GABRB1: variants seen among roughly 807,000 people sequenced by gnomAD.
The protein encoded by GABRB1 is gamma-aminobutyric acid type A receptor subunit beta1, also known as gamma-aminobutyric acid receptor subunit beta-1.
Under a neutral mutation model 51.6 loss-of-function variants are expected in GABRB1, and 17 were observed. The ratio of observed to expected loss-of-function variants is 0.33; its 90% CI spans 0.23 to 0.49. The LOEUF (loss-of-function observed/expected upper bound fraction) is 0.49, where lower values mean the gene tolerates loss of function less well. Among genes scored for constraint, GABRB1 ranks in the 20% least tolerant of loss-of-function variants. The pLI is 0.99. For synonymous variants in GABRB1, 247 were observed against 218.9 expected, an observed-to-expected ratio of 1.13 and a Z score of -1.14; for missense variants, 410 against 600.6, an observed-to-expected ratio of 0.68 and a Z score of 3.32.
At chr4:47,349,353 T>C (rs1726223610) in intron 5 of GABRB1, among the ~76,000 whole-genome samples, 1 of 151,856 alleles carries the variant, frequency 6.6e-6, no homozygotes, top group South Asian at 2.1e-4. Flanking sequence ...GCCAGAGAAA[T>C]GGGAGGAAAA....
chr4:47,101,116 G>C (rs1341171477), intron 3 of GABRB1, among the ~76,000 whole-genome samples: 1 of 151,946 alleles, frequency 6.6e-6, no homozygotes, highest in African/African-American at 2.4e-5. Context: ...ATCTTCACCT[G>C]GTAGACTCCC....
intron 3 of GABRB1, among the ~76,000 whole-genome samples, chr4:47,104,186 G>A (rs1560536082): frequency 6.6e-6 from 1 of 151,452 alleles, no homozygotes; most frequent in African/African-American, 2.4e-5. Context: ...AGGATGACAG[G>A]TTTTTTTCTT....
At chr4:47,057,344 G>A (rs978325711) in intron 3 of GABRB1, among the ~76,000 whole-genome samples, 1 of 152,146 alleles carries the variant, frequency 6.6e-6, no homozygotes, top group Non-Finnish European at 1.5e-5. Context: ...TTTATACAAT[G>A]TGATTCATTG....
At chr4:47,150,185 AC>A (rs1717364600) in intron 3 of GABRB1, among the ~76,000 whole-genome samples, 1 of 4,554 alleles carries the variant, frequency 2.2e-4, no homozygotes, top group African/African-American at 9.1e-4. Context: ...CACACACAAC[AC>A]ACACACACAC....
At chr4:47,123,471 A>G (rs1370206641) in intron 3 of GABRB1, among the ~76,000 whole-genome samples, 12 of 105,016 alleles carry the variant, frequency 1.1e-4, no homozygotes, top group Non-Finnish European at 1.8e-4. Flanking sequence ...ATTATATATT[A>G]TAATATATTA....
At position 47,085,731 on chromosome 4, in the gene GABRB1, G is replaced by A. The variant is rs114081655; in HGVS notation, c.240+53247G>A. Among the ~76,000 whole-genome samples the A allele has an allele frequency of 3.4e-3, 519 of 152,242 alleles. 3 individuals carry two copies. The highest frequency in any genetic ancestry group is 0.011 in the African/African-American group (445 of 41,552). ...TCTCTGGATTGACAATGCTTTTGCTGGTCTCATCTGAAGTCACTCATATGG... is the reference window on the plus strand; with the variant it reads ...TCTCTGGATTGACAATGCTTTTGCTAGTCTCATCTGAAGTCACTCATATGG... On this transcript the variant is annotated intron_variant, in intron 3 of 8. Transcript: ENST00000295454.
rs117639258 is a variant in GABRB1 at position 47,200,667 on chromosome 4, C to T, written c.461+39198C>T. On this transcript the variant is annotated intron_variant, in intron 4 of 8. Transcript: ENST00000295454. ...TGAATTTATAACCTCTTTCTAGATA[C>T]TTAAATCCCCAGAGCTTTGCGCACA... 1.1e-3 allele frequency among the ~76,000 whole-genome samples: 175 copies of T among 152,234 alleles called. 3 individuals are homozygous for T. In the East Asian group the frequency reaches 0.027, roughly 24 times the overall value.
At chr4:47,086,369 A>T (rs1191711889) in intron 3 of GABRB1, among the ~76,000 whole-genome samples, 2 of 152,184 alleles carry the variant, frequency 1.3e-5, no homozygotes. Flanking sequence ...TGATTATAAA[A>T]TTCTTAAGAT....
At chr4:47,384,138 C>T (rs1727692237) in intron 5 of GABRB1, among the ~76,000 whole-genome samples, 1 of 151,866 alleles carries the variant, frequency 6.6e-6, no homozygotes, top group African/African-American at 2.4e-5. Flanking sequence ...ATATTCACCA[C>T]GTAAAATTTT....
At chr4:47,225,040 A>C (rs893045933) in intron 4 of GABRB1, among the ~76,000 whole-genome samples, 5 of 152,050 alleles carry the variant, frequency 3.3e-5, no homozygotes, top group Non-Finnish European at 2.9e-5. Context: ...GATTACAGGC[A>C]TGCACCACCA....
At chr4:47,401,633 G>A (rs1728388671) in intron 5 of GABRB1, among the ~76,000 whole-genome samples, 1 of 152,162 alleles carries the variant, frequency 6.6e-6, no homozygotes, top group African/African-American at 2.4e-5. Context: ...ACTACTTCCT[G>A]CTGGGCTTAG....
At chr4:47,209,729 A>G (rs1009517478) in intron 4 of GABRB1, among the ~76,000 whole-genome samples, 5 of 152,144 alleles carry the variant, frequency 3.3e-5, no homozygotes, top group South Asian at 2.1e-4. Flanking sequence ...AAATACATCA[A>G]TGTATGAATG....
chr4:47,209,847 T>A (rs895875074), intron 4 of GABRB1, among the ~76,000 whole-genome samples: 11 of 152,096 alleles, frequency 7.2e-5, no homozygotes. Context: ...ATTCAGTGGG[T>A]CAGTCTGCCT....
At chr4:47,078,959 AGC>A (rs1727697984) in intron 3 of GABRB1, among the ~76,000 whole-genome samples, 1 of 152,196 alleles carries the variant, frequency 6.6e-6, no homozygotes, top group Middle Eastern at 3.2e-3. Flanking sequence ...CCAGGGATGA[AGC>A]CCACTTGATC....
chr4:47,022,312 C>T (rs1359471830), intron 1 of GABRB1, among the ~76,000 whole-genome samples: 1 of 151,940 alleles, frequency 6.6e-6, no homozygotes, highest in Non-Finnish European at 1.5e-5. Context: ...TTTTATAGTG[C>T]CAACACAATT....
rs189256806 is a variant in GABRB1, at chr4:47,147,522, G to A, written c.241-13727G>A. On this transcript the variant is annotated intron_variant, in intron 3 of 8. Transcript: ENST00000295454. ...ACTGAGGATGTAGCAAGAGAATTAC[G>A]CCTTTGGGAAGCCCAGGTTCTAGTG... Among the ~76,000 whole-genome samples the A allele has an allele frequency of 1.1e-3, 160 of 152,180 alleles. 1 individual carries two copies. The highest frequency in any genetic ancestry group is 3.5e-3 in the African/African-American group (146 of 41,560).
intron 4 of GABRB1, among the ~76,000 whole-genome samples, chr4:47,238,262 G>GA (rs1721399401): frequency 6.6e-6 from 1 of 152,060 alleles, no homozygotes; most frequent in South Asian, 2.1e-4. Context: ...AAAATACAGA[G>GA]AAAACTGTGA....
chr4:47,064,641 C>CA (rs33963952), intron 3 of GABRB1, among the ~76,000 whole-genome samples: 19,600 of 57,586 alleles, frequency 0.34, 2,693 homozygotes, highest in Middle Eastern at 0.4. Context: ...GACTCCATCT[C>CA]AAAAAAAAAA....
chr4:47,353,618 C>T (rs1478499812), intron 5 of GABRB1, among the ~76,000 whole-genome samples: 1 of 152,176 alleles, frequency 6.6e-6, no homozygotes, highest in East Asian at 1.9e-4. Flanking sequence ...GAATACCTAT[C>T]TTGAAATATC....
Sources: allele counts gnomAD v4.1 joint callset (sites outside exome capture counted in the v4.1 genomes callset), GRCh38; gene constraint gnomAD v4.1.1; transcripts MANE v1.5; gene names NCBI Gene and HGNC (gene_info 2026-07-23, HGNC 2026-07-21).